ICA1L: variants seen among roughly 807,000 people sequenced by gnomAD.
The protein encoded by ICA1L is islet cell autoantigen 1 like, also known as islet cell autoantigen 1-like protein.
Under a neutral mutation model 61.3 loss-of-function variants are expected in ICA1L, and 50 were observed. The ratio of observed to expected loss-of-function variants is 0.82; its 90% CI spans 0.65 to 1.03. The LOEUF (loss-of-function observed/expected upper bound fraction) is 1.03. ICA1L is among the 50% of genes least tolerant of loss of function. ICA1L has a pLI of 0.00. For missense variants in ICA1L, 508 were observed against 556.7 expected, an observed-to-expected ratio of 0.91 and a Z score of 0.88; for synonymous variants, 161 against 191.3, an observed-to-expected ratio of 0.84 and a Z score of 1.31.
intron 2 of ICA1L, among the ~76,000 whole-genome samples, chr2:202,826,626 CG>C (rs1271673376): frequency 6.6e-6 from 1 of 152,096 alleles, no homozygotes. Flanking sequence ...TGCCCATTAC[CG>C]TGCCCAGCTA....
chr2:202,786,035 A>G lies in ICA1L; in HGVS notation c.1244-28T>C, dbSNP rs572904058. On this transcript the variant is annotated intron_variant, in intron 11 of 12. Transcript: ENST00000358299. ...GGGATAAAAGAAGTAAAAATTGTCC[A>G]TTGTTAATCAAATAGGAAGCAGCAT... 1.7e-5 allele frequency: 22 copies of G among 1,299,636 alleles called. No homozygotes were observed. In the African/African-American group the frequency reaches 2.7e-4, roughly 16 times the overall value. The allele number at this position is 1,299,636 out of a possible 1,614,324, so 80.5% of individuals were successfully genotyped here. A position where few individuals can be genotyped will look rare whatever the true frequency, so the allele number is the denominator to read the frequency against.
chr2:202,835,503 G>A (rs977501160), intron 1 of ICA1L, among the ~76,000 whole-genome samples: 5 of 151,076 alleles, frequency 3.3e-5, no homozygotes, highest in African/African-American at 9.7e-5. Flanking sequence ...ACCCCACCTG[G>A]CCAGATTTAT....
rs948187070 is a variant in ICA1L at position 202,774,538 on chromosome 2, C to G, written c.*4995G>C. 3 of 402,502 alleles carry G rather than the reference C, an allele frequency of 7.5e-6. No individual in the cohort carries two copies. The highest frequency in any genetic ancestry group is 4.3e-5 in the African/African-American group (2 of 46,242). 24.9% of individuals were successfully genotyped at this position (402,502 alleles called of 1,614,324 possible). On this transcript the variant is annotated 3_prime_UTR_variant, in exon 13 of 13. Coordinates refer to ENST00000358299, the MANE Select transcript of ICA1L (RefSeq NM_001288622.3). ...GCCACAAGAGATATCACAGGAGAGACACAGGAAAAAAAGTTGTAATATACT... is the reference window on the plus strand; with the variant it reads ...GCCACAAGAGATATCACAGGAGAGAGACAGGAAAAAAAGTTGTAATATACT...
intron 1 of ICA1L, among the ~76,000 whole-genome samples, chr2:202,839,059 C>T (rs1694237090): frequency 6.6e-6 from 1 of 152,148 alleles, no homozygotes; most frequent in African/African-American, 2.4e-5. Flanking sequence ...AGTCATATTT[C>T]AACATCAGAT....
intron 4 of ICA1L, among the ~76,000 whole-genome samples, chr2:202,821,116 A>G (rs1559138234): frequency 6.6e-6 from 1 of 152,244 alleles, no homozygotes; most frequent in Non-Finnish European, 1.5e-5. Context: ...TAAAAGAAAT[A>G]TAAATACAGG....
chr2:202,865,952 C>A (rs1687499131), intron 1 of ICA1L, among the ~76,000 whole-genome samples: 1 of 152,094 alleles, frequency 6.6e-6, no homozygotes, highest in South Asian at 2.1e-4. Context: ...AAAATCCATT[C>A]TCATTTTTAA....
Position 202,788,834 on chromosome 2 carries a change from G to GA in ICA1L, c.1238dup (p.Asn414GlnfsTer17), listed in dbSNP as rs748763158. ...AAATGTTTCATAGACACTTACTGTT[G>GA]AACGCTCCAGCCACATGAAAGCCAA... On this transcript the variant is annotated frameshift_variant, in exon 11 of 13. Coordinates refer to ENST00000358299, the MANE Select transcript of ICA1L (RefSeq NM_001288622.3). LOFTEE classifies it high-confidence loss of function. 6.2e-7 allele frequency: 1 copy of GA among 1,613,902 alleles called. No homozygotes were observed. Among genetic ancestry groups the GA allele is most frequent in the South Asian group, 1.1e-5 (1 of 90,998 alleles).
intron 1 of ICA1L, among the ~76,000 whole-genome samples, chr2:202,864,169 C>T (rs1022795154): frequency 6.6e-6 from 1 of 152,138 alleles, no homozygotes; most frequent in South Asian, 2.1e-4. Context: ...AAGAATAGTT[C>T]CCAATTCATT....
At chr2:202,819,249 A>G (rs1487131098) in intron 5 of ICA1L, among the ~76,000 whole-genome samples, 3 of 152,252 alleles carry the variant, frequency 2.0e-5, no homozygotes, top group Non-Finnish European at 2.9e-5. Context: ...TAGCAAAAAC[A>G]TATGTTCATA....
chr2:202,850,610 A>C (rs963266335), intron 1 of ICA1L, among the ~76,000 whole-genome samples: 1 of 152,212 alleles, frequency 6.6e-6, no homozygotes, highest in Non-Finnish European at 1.5e-5. Flanking sequence ...AAAGGAATGA[A>C]CAAAGCCCTC....
In ICA1L at chr2:202,796,931, A is replaced by C; in HGVS notation, c.944T>G (p.Met315Arg). The C allele has an allele frequency of 6.2e-7, 1 of 1,603,100 alleles. No homozygotes were observed. Among genetic ancestry groups the C allele is most frequent in the Non-Finnish European group, 8.5e-7 (1 of 1,175,900 alleles). Residue 315 changes from methionine (M) to arginine (R), a missense_variant, in exon 10 of 13, where the codon ATG (methionine) becomes AGG (arginine). Met to Arg is a moderately conservative substitution (Grantham distance 91, BLOSUM62 -1). Transcript: ENST00000358299. ...AAACTGAGGTGCTCCAAATTCTCTC[A>C]TTTGAGAATGTTTTTCATTGTGATC... ...NKDHNEKHSQ[M>R]REFGAPQFSN...
In ICA1L at chr2:202,773,851, TTTC is replaced by T; in HGVS notation, c.*5679_*5681del. The T allele has an allele frequency of 1.5e-6, 2 of 1,345,314 alleles. No individual in the cohort carries two copies. The highest frequency in any genetic ancestry group is 2.1e-6 in the Non-Finnish European group (2 of 938,574). The allele number at this position is 1,345,314 out of a possible 1,614,324, so 83.3% of individuals were successfully genotyped here. A position where few individuals can be genotyped will look rare whatever the true frequency, so the allele number is the denominator to read the frequency against. ...GTGCAAGTGCAGCCCTGTGGGAAGT[TTTC>T]TTCTACAGAGGCTGAGTGGAACAGT... On this transcript the variant is annotated 3_prime_UTR_variant, in exon 13 of 13. Coordinates refer to ENST00000358299, the MANE Select transcript of ICA1L (RefSeq NM_001288622.3).
At chr2:202,827,712 C>T (rs1171853269) in intron 2 of ICA1L, among the ~76,000 whole-genome samples, 1 of 152,056 alleles carries the variant, frequency 6.6e-6, no homozygotes, top group African/African-American at 2.4e-5. Flanking sequence ...ACATACAACA[C>T]CAATAATAAT....
At chr2:202,780,640 C>T (rs1039588639) in intron 12 of ICA1L, among the ~76,000 whole-genome samples, 3 of 152,090 alleles carry the variant, frequency 2.0e-5, no homozygotes, top group South Asian at 2.1e-4. Flanking sequence ...AGAAGGCAGT[C>T]CCAAGGCAAT....
In ICA1L at chr2:202,773,563, A is replaced by G. The variant is rs2105806567; in HGVS notation, c.*5970T>C. ...ACACGGGCAGAACAAGAGTACAATA[A>G]AAGAAGCGTCTGCAACTTAAGCCGT... On this transcript the variant is annotated 3_prime_UTR_variant, in exon 13 of 13. Transcript: ENST00000358299. 2.2e-6 allele frequency: 1 copy of G among 448,236 alleles called. No individual in the cohort carries two copies. The highest frequency in any genetic ancestry group is 4.0e-6 in the Non-Finnish European group (1 of 250,328). The allele number at this position is 448,236 out of a possible 1,614,324, so 27.8% of individuals were successfully genotyped here.
At chr2:202,870,433 TTAAA>T (rs1481289100) in intron 1 of ICA1L, 2 of 152,160 alleles carry the variant, frequency 1.3e-5, no homozygotes, top group Admixed American at 6.5e-5. Flanking sequence ...TTTTGAACTA[TTAAA>T]TAAAGAGATT....
rs13427665 is a variant in ICA1L, at chr2:202,804,838, G to T, written c.910+6908C>A. Among the ~76,000 whole-genome samples, 981 of 152,102 alleles carry T rather than the reference G, an allele frequency of 6.4e-3. 11 individuals carry two copies. The highest frequency in any genetic ancestry group is 0.023 in the African/African-American group (946 of 41,484). Reference sequence around the variant, plus strand: ...ACATTCTCTGACCGTGATGCAACTTGGTTAAAATCAATAACAAAAAGATGA... The same window carrying T: ...ACATTCTCTGACCGTGATGCAACTTTGTTAAAATCAATAACAAAAAGATGA... On this transcript the variant is annotated intron_variant, in intron 9 of 12. Transcript: ENST00000358299.
At chr2:202,827,442 G>A (rs996784061) in intron 2 of ICA1L, among the ~76,000 whole-genome samples, 13 of 151,736 alleles carry the variant, frequency 8.6e-5, no homozygotes, top group African/African-American at 2.9e-4. Context: ...AAGTGACTAT[G>A]CTTGATTATT....
In ICA1L at chr2:202,838,948, G is replaced by A. The variant is rs192325414; in HGVS notation, c.-7-9932C>T. Among the ~76,000 whole-genome samples the A allele has an allele frequency of 5.3e-5, 8 of 152,218 alleles. No homozygotes were observed. In the South Asian group the frequency reaches 6.2e-4, roughly 12 times the overall value. On this transcript the variant is annotated intron_variant, in intron 1 of 12. Coordinates refer to ENST00000358299, the MANE Select transcript of ICA1L (RefSeq NM_001288622.3). ...ATACTCCCTTAAACAACCAAATCCCGTGAGGACTCACTTATCACCATGGGG... is the reference window on the plus strand; with the variant it reads ...ATACTCCCTTAAACAACCAAATCCCATGAGGACTCACTTATCACCATGGGG...
Sources: gnomAD v4.1 joint callset for allele counts (sites outside exome capture counted in the v4.1 genomes callset) on GRCh38, gnomAD v4.1.1 for gene constraint, MANE v1.5 for transcripts, NCBI Gene and HGNC (gene_info 2026-07-23, HGNC 2026-07-21) for gene names.